Variants in RFLNA observed in about 807,000 individuals in gnomAD.
The protein encoded by RFLNA is refilin-A.
Under a neutral mutation model 7.8 loss-of-function variants are expected in RFLNA, and 5 were observed. That is an observed-to-expected ratio of 0.64 (90% CI 0.34 to 1.35). RFLNA has a LOEUF of 1.35. Ranked by LOEUF, RFLNA falls within the 40% of genes most tolerant of loss-of-function variation. The pLI, the probability that RFLNA is intolerant of heterozygous loss-of-function variation, is 0.04. For synonymous variants in RFLNA, 141 were observed against 131.3 expected (o/e 1.07, Z -0.50); for missense variants, 278 against 305.5 (o/e 0.91, Z 0.67).
intron 1 of RFLNA, among the ~76,000 whole-genome samples, chr12:124,298,400 C>T (rs2033968732): frequency 6.6e-6 from 1 of 152,306 alleles, no homozygotes; most frequent in South Asian, 2.1e-4. Flanking sequence ...CTCCCCAAGA[C>T]ATCAAAGGCC....
intron 1 of RFLNA, among the ~76,000 whole-genome samples, chr12:124,302,358 C>T (rs956608742): frequency 6.6e-6 from 1 of 152,128 alleles, no homozygotes; most frequent in Non-Finnish European, 1.5e-5. Flanking sequence ...GTTTGTTCAC[C>T]GTTTCTCTGC....
chr12:124,310,172 C>CAAAAAAAAAAAAAAAAAAAAAA lies in RFLNA; in HGVS notation c.208-1643_208-1622dup. Reference sequence around the variant, plus strand: ...TGGGTGACAGAGAGAGACTCTGTCTCAAAAAAAAAAAAAAAAAAAAAAAAG... The same window carrying CAAAAAAAAAAAAAAAAAAAAAA: ...TGGGTGACAGAGAGAGACTCTGTCTCAAAAAAAAAAAAAAAAAAAAAAAAAAAAAAAAAAAAAAAAAAAAAAG... On this transcript the variant is annotated intron_variant, in intron 1 of 2. Transcript: ENST00000546355. Among the ~76,000 whole-genome samples, 118 of 17,088 alleles carry CAAAAAAAAAAAAAAAAAAAAAA rather than the reference C, an allele frequency of 6.9e-3. 39 individuals carry two copies. The highest frequency in any genetic ancestry group is 0.012 in the Non-Finnish European group (97 of 8,236). 11.2% of individuals were successfully genotyped at this position (17,088 alleles called of 152,430 possible).
At chr12:124,305,961 C>T (rs1303696052) in intron 1 of RFLNA, among the ~76,000 whole-genome samples, 3 of 152,200 alleles carry the variant, frequency 2.0e-5, no homozygotes, top group African/African-American at 7.2e-5. Flanking sequence ...TCTCCTGCTT[C>T]TTCAGTCCTC....
At chr12:124,299,435 G>A (rs10846649) in intron 1 of RFLNA, among the ~76,000 whole-genome samples, 20,282 of 152,178 alleles carry the variant, frequency 0.13, 1,671 homozygotes, top group East Asian at 0.3. Flanking sequence ...GCGATTTGTG[G>A]GATTTTGGTG....
intron 1 of RFLNA, among the ~76,000 whole-genome samples, chr12:124,302,345 C>A (rs976549451): frequency 6.6e-6 from 1 of 152,140 alleles, no homozygotes; most frequent in Non-Finnish European, 1.5e-5. Context: ...CTGCGACGTT[C>A]GAGTTTGTTC....
At position 124,295,494 on chromosome 12, in the gene RFLNA, T is replaced by C; in HGVS notation, c.65T>C (p.Leu22Ser). The C allele has an allele frequency of 7.8e-7, 1 of 1,276,970 alleles. No homozygotes were observed. The highest frequency in any genetic ancestry group is 9.9e-7 in the Non-Finnish European group (1 of 1,014,316). The allele number at this position is 1,276,970 out of a possible 1,614,324, so 79.1% of individuals were successfully genotyped here. Residue 22 changes from leucine (L) to serine (S), a missense_variant, in exon 1 of 3, where the codon TTG becomes TCG. Coordinates refer to ENST00000546355, the MANE Select transcript of RFLNA (RefSeq NM_001365156.1). Reference sequence around the variant, plus strand: ...CTGAAGGAGCAGGGCCGGGAGGGCTTGCTGGACAGCCCCGACTCCGGGCTG... The same window carrying C: ...CTGAAGGAGCAGGGCCGGGAGGGCTCGCTGGACAGCCCCGACTCCGGGCTG... ...DSLKEQGREG[L>S]LDSPDSGLPP...
chr12:124,308,781 T>C (rs1471144418), intron 1 of RFLNA, among the ~76,000 whole-genome samples: 2 of 152,218 alleles, frequency 1.3e-5, no homozygotes, highest in African/African-American at 4.8e-5. Flanking sequence ...GCCTCTTCTC[T>C]GAGGGCCTCT....
chr12:124,305,528 T>G (rs2135684943), intron 1 of RFLNA, among the ~76,000 whole-genome samples: 1 of 152,340 alleles, frequency 6.6e-6, no homozygotes, highest in African/African-American at 2.4e-5. Flanking sequence ...CCCAGAATGA[T>G]AAGCGTCAGC....
At chr12:124,303,404 C>T (rs2034081022) in intron 1 of RFLNA, among the ~76,000 whole-genome samples, 1 of 152,206 alleles carries the variant, frequency 6.6e-6, no homozygotes, top group Non-Finnish European at 1.5e-5. Context: ...GGACCCAACA[C>T]CCTCCAGGGC....
At chr12:124,293,152 C>G (rs2033849048), upstream of RFLNA, among the ~76,000 whole-genome samples, 2 of 152,314 alleles carry the variant, frequency 1.3e-5, no homozygotes, top group African/African-American at 4.8e-5. Flanking sequence ...GTCTTAAACT[C>G]CTGACCTCAG....
chr12:124,291,718 C>CTTTTTTT (rs5801541), upstream of RFLNA, among the ~76,000 whole-genome samples: 1 of 148,684 alleles, frequency 6.7e-6, no homozygotes. Flanking sequence ...GTGAAAAAGC[C>CTTTTTTT]TTTTTTTTTT....
chr12:124,303,043 T>C (rs1593031853), intron 1 of RFLNA, among the ~76,000 whole-genome samples: 1 of 152,178 alleles, frequency 6.6e-6, no homozygotes, highest in African/African-American at 2.4e-5. Flanking sequence ...GGCCGCTAGT[T>C]GGCTCCTGGG....
Position 124,314,829 on chromosome 12 carries a change from G to C in RFLNA, c.*304G>C, listed in dbSNP as rs1229576147. On this transcript the variant is annotated 3_prime_UTR_variant, in exon 3 of 3. Transcript: ENST00000546355. ...GGCCACCCCCAGGGTCAGGGGAAAA[G>C]AATGGGTCCATGGAGTGCCCTTGAA... 1.7e-6 allele frequency: 1 copy of C among 594,426 alleles called. No homozygotes were observed. The highest frequency in any genetic ancestry group is 2.2e-5 in the Admixed American group (1 of 46,370). 36.8% of individuals were successfully genotyped at this position (594,426 alleles called of 1,614,324 possible). A position where few individuals can be genotyped will look rare whatever the true frequency, so the allele number is the denominator to read the frequency against.
At chr12:124,311,141 G>A (rs1050349791) in intron 1 of RFLNA, among the ~76,000 whole-genome samples, 6 of 152,186 alleles carry the variant, frequency 3.9e-5, no homozygotes, top group African/African-American at 1.2e-4. Context: ...GAGAACCTGG[G>A]TAGGGCTCTC....
chr12:124,311,859 G>T lies in RFLNA; in HGVS notation c.249G>T (p.Arg83Ser), dbSNP rs748829711. Residue 83 changes from arginine (R) to serine (S), a missense_variant, in exon 2 of 3, where the codon AGG (arginine) becomes AGT (serine). Coordinates refer to ENST00000546355, the MANE Select transcript of RFLNA (RefSeq NM_001365156.1). The part of the protein sequence containing the change: ...QLPNPPASEM[R>S]PRMLPVFFGE... ...CAAATCCCCCGGCGTCGGAGATGAG[G>T]CCCCGGATGCTGCCAGTGTTCTTTG... 1.2e-6 allele frequency: 2 copies of T among 1,601,362 alleles called. No homozygotes were observed. The highest frequency in any genetic ancestry group is 1.1e-5 in the South Asian group (1 of 89,654).
upstream of RFLNA, among the ~76,000 whole-genome samples, chr12:124,294,146 G>T (rs1012581005): frequency 6.6e-6 from 1 of 152,186 alleles, no homozygotes; most frequent in African/African-American, 2.4e-5. Flanking sequence ...CAGTTTGGGG[G>T]TGTCCAAAGA....
chr12:124,304,976 A>G (rs1484895869), intron 1 of RFLNA, among the ~76,000 whole-genome samples: 1 of 151,606 alleles, frequency 6.6e-6, no homozygotes, highest in Non-Finnish European at 1.5e-5. Flanking sequence ...TTCAGATAAC[A>G]TCTTTTGGGG....
At chr12:124,313,644 A>C (rs965403274) in intron 2 of RFLNA, among the ~76,000 whole-genome samples, 3 of 150,416 alleles carry the variant, frequency 2.0e-5, no homozygotes, top group Non-Finnish European at 2.9e-5. Flanking sequence ...GCGCCACTGC[A>C]CTCCAGCCTG....
chr12:124,293,493 TC>T (rs1444940871), upstream of RFLNA, among the ~76,000 whole-genome samples: 1 of 151,974 alleles, frequency 6.6e-6, no homozygotes, highest in African/African-American at 2.4e-5. Context: ...TTCGTCCTAG[TC>T]AGTGACAGTA....
Sources: gnomAD v4.1 joint callset for allele counts (sites outside exome capture counted in the v4.1 genomes callset) on GRCh38, gnomAD v4.1.1 for gene constraint, MANE v1.5 for transcripts, NCBI Gene and HGNC (gene_info 2026-07-23, HGNC 2026-07-21) for gene names.